Variants in DOCK1 observed in about 807,000 individuals in gnomAD.
DOCK1 encodes dedicator of cytokinesis protein 1.
DOCK1 carries 138 observed loss-of-function variants against 262.7 expected under a neutral mutation model. That is an observed-to-expected ratio of 0.53 (90% CI 0.46 to 0.61). The LOEUF is 0.61. DOCK1 is among the 20% of genes least tolerant of loss of function. The pLI, the probability that DOCK1 is intolerant of heterozygous loss-of-function variation, is 0.00. For missense variants in DOCK1, 1,908 were observed against 2,370.7 expected (o/e 0.80, Z 4.05); for synonymous variants, 866 against 867.4 (o/e 1.00, Z 0.03).
intron 46 of DOCK1, among the ~76,000 whole-genome samples, chr10:127,421,486 C>T (rs2068507330): frequency 6.6e-6 from 1 of 151,990 alleles, no homozygotes; most frequent in Non-Finnish European, 1.5e-5. Context: ...TAAAATTTCC[C>T]ATCTTAAACA....
At position 126,918,998 on chromosome 10, in the gene DOCK1, C is replaced by T. The variant is rs965904532; in HGVS notation, c.46+13435C>T. ...AGAAAGCCGAGAGGGAGTGTGGGGG[C>T]CCTTCGGCCAAGCTTCTTGGCTGTC... On this transcript the variant is annotated intron_variant, in intron 1 of 51. Transcript: ENST00000623213. Among the ~76,000 whole-genome samples, 3 of 107,394 alleles carry T rather than the reference C, an allele frequency of 2.8e-5. No homozygotes were observed. In the East Asian group the frequency reaches 1.3e-3, roughly 47 times the overall value. 70.5% of individuals were successfully genotyped at this position (107,394 alleles called of 152,430 possible). A position where few individuals can be genotyped will look rare whatever the true frequency, so the allele number is the denominator to read the frequency against.
rs1230150952 is a variant in DOCK1, at chr10:126,920,669, A to G, written c.46+15106A>G. ...CAAGCTTTTTCTGCAGAGATCTAGA[A>G]AATAAATACTTTAGGTTTTGCAGGC... On this transcript the variant is annotated intron_variant, in intron 1 of 51. Coordinates refer to ENST00000623213, the MANE Select transcript of DOCK1 (RefSeq NM_001290223.2). 2.6e-5 allele frequency among the ~76,000 whole-genome samples: 4 copies of G among 152,386 alleles called. No homozygotes were observed. In the East Asian group the frequency reaches 5.8e-4, roughly 22 times the overall value.
At chr10:126,963,648 T>TCCCC (rs2037442228) in intron 1 of DOCK1, among the ~76,000 whole-genome samples, 2 of 63,398 alleles carry the variant, frequency 3.2e-5, no homozygotes, top group Non-Finnish European at 6.7e-5. Flanking sequence ...CCCTCCTTCC[T>TCCCC]TCCTTCCTTC....
chr10:127,222,610 T>C (rs1030871522), intron 27 of DOCK1, among the ~76,000 whole-genome samples: 2 of 150,214 alleles, frequency 1.3e-5, no homozygotes, highest in Non-Finnish European at 3.0e-5. Flanking sequence ...CGACATTTCA[T>C]TCCTCCTGTG....
chr10:127,347,294 C>T (rs1374591498), intron 31 of DOCK1, among the ~76,000 whole-genome samples: 4 of 152,158 alleles, frequency 2.6e-5, no homozygotes, highest in African/African-American at 7.2e-5. Flanking sequence ...GACCTCGTGA[C>T]GAAGAAGGTC....
At chr10:127,222,776 TCACTTTAGCC>T (rs2058489252) in intron 27 of DOCK1, among the ~76,000 whole-genome samples, 1 of 95,724 alleles carries the variant, frequency 1.0e-5, no homozygotes. Context: ...AGTGATTCTC[TCACTTTAGCC>T]TCCCAAGTAG....
chr10:127,199,258 C>T (rs560963565), intron 27 of DOCK1, among the ~76,000 whole-genome samples: 14 of 152,220 alleles, frequency 9.2e-5, no homozygotes, highest in Non-Finnish European at 1.6e-4. Flanking sequence ...ATATCCACGT[C>T]TCTCTTCTTT....
At chr10:127,324,784 CTGTT>C (rs1458642882) in intron 29 of DOCK1, among the ~76,000 whole-genome samples, 3 of 152,228 alleles carry the variant, frequency 2.0e-5, no homozygotes, top group Non-Finnish European at 4.4e-5. Context: ...TGCATACTGT[CTGTT>C]CTTAGGCTTC....
intron 22 of DOCK1, among the ~76,000 whole-genome samples, chr10:127,053,856 G>A (rs1279466027): frequency 6.6e-6 from 1 of 152,156 alleles, no homozygotes; most frequent in Non-Finnish European, 1.5e-5. Context: ...AGGGTGGGGT[G>A]TGGAATTTCA....
chr10:127,261,682 T>C (rs1261561695), intron 29 of DOCK1, among the ~76,000 whole-genome samples: 1 of 137,686 alleles, frequency 7.3e-6, no homozygotes, highest in Non-Finnish European at 1.5e-5. Context: ...CCTGCATGTG[T>C]GTGCATGTGG....
intron 29 of DOCK1, among the ~76,000 whole-genome samples, chr10:127,312,420 A>G (rs1342909513): frequency 1.3e-5 from 2 of 152,104 alleles, no homozygotes. Flanking sequence ...CCCAGGCCCT[A>G]TGCACTTCTG....
intron 23 of DOCK1, among the ~76,000 whole-genome samples, chr10:127,103,069 G>A (rs2048341430): frequency 6.6e-6 from 1 of 152,166 alleles, no homozygotes; most frequent in Non-Finnish European, 1.5e-5. Context: ...TCTTGCATAT[G>A]TCTTGTTTTA....
At chr10:126,942,320 G>A (rs1212608749) in intron 1 of DOCK1, among the ~76,000 whole-genome samples, 1 of 152,196 alleles carries the variant, frequency 6.6e-6, no homozygotes, top group African/African-American at 2.4e-5. Context: ...ACCGCGCCCA[G>A]CCGATATTTG....
chr10:127,301,008 G>C (rs113154752), intron 29 of DOCK1, among the ~76,000 whole-genome samples: 11 of 152,288 alleles, frequency 7.2e-5, no homozygotes, highest in African/African-American at 2.6e-4. Flanking sequence ...TCTAACCCTT[G>C]AACTGCTTGA....
intron 1 of DOCK1, among the ~76,000 whole-genome samples, chr10:126,941,654 C>G (rs1306267541): frequency 1.3e-5 from 2 of 152,086 alleles, no homozygotes; most frequent in African/African-American, 2.4e-5. Flanking sequence ...ACTCGGGAGG[C>G]TGAGGCAGGA....
At chr10:127,447,970 G>A (rs771426821) in intron 51 of DOCK1, among the ~76,000 whole-genome samples, 3 of 152,144 alleles carry the variant, frequency 2.0e-5, no homozygotes, top group Non-Finnish European at 4.4e-5. Flanking sequence ...GGCACCTGTT[G>A]TACACCTGCT....
At chr10:127,155,183 C>G (rs998710984) in intron 27 of DOCK1, among the ~76,000 whole-genome samples, 7 of 152,082 alleles carry the variant, frequency 4.6e-5, no homozygotes, top group Non-Finnish European at 1.0e-4. Context: ...ACTTTTTATC[C>G]CCTTTGCTGT....
intron 27 of DOCK1, chr10:127,177,064 G>A (rs1190581842): frequency 1.3e-5 from 2 of 152,104 alleles, no homozygotes; most frequent in African/African-American, 2.4e-5. Flanking sequence ...TAAAAGGAAC[G>A]TGGGTTTCCC....
intron 29 of DOCK1, among the ~76,000 whole-genome samples, chr10:127,337,742 C>T (rs1288292365): frequency 1.3e-5 from 2 of 152,220 alleles, no homozygotes; most frequent in African/African-American, 4.8e-5. Flanking sequence ...TCTTTAGTGA[C>T]CAAAATTGCA....
Sources: gnomAD v4.1 joint callset for allele counts (sites outside exome capture counted in the v4.1 genomes callset) on GRCh38, gnomAD v4.1.1 for gene constraint, MANE v1.5 for transcripts, NCBI Gene and HGNC (gene_info 2026-07-23, HGNC 2026-07-21) for gene names.